The following PCDHGB7 variants were observed in gnomAD, a reference collection of about 807,000 sequenced individuals.
PCDHGB7 encodes the protein protocadherin gamma subfamily B, 7.
In PCDHGB7, 37 loss-of-function variants were observed where a neutral mutation model predicts 61.4. The observed-to-expected ratio is 0.60, with a 90% CI of 0.46 to 0.79. The LOEUF (loss-of-function observed/expected upper bound fraction) is 0.79, where lower values mean the gene tolerates loss of function less well. PCDHGB7 is among the 30% of genes least tolerant of loss of function. The pLI is 0.00. For synonymous variants in PCDHGB7, 464 were observed against 503.5 expected (o/e 0.92, Z 1.05); for missense variants, 1,166 against 1,202.5 (o/e 0.97, Z 0.45).
At chr5:141,464,480 A>T (rs1013894368) in intron 1 of PCDHGB7, among the ~76,000 whole-genome samples, 4 of 151,864 alleles carry the variant, frequency 2.6e-5, no homozygotes, top group African/African-American at 7.3e-5. Flanking sequence ...CGTATAATAA[A>T]TTCCTAATAG....
intron 1 of PCDHGB7, chr5:141,421,396 C>T: frequency 2.5e-6 from 4 of 1,614,036 alleles, no homozygotes; most frequent in South Asian, 1.1e-5. Context: ...GGGGCTGGAG[C>T]CCCGGGAGCT....
intron 1 of PCDHGB7, among the ~76,000 whole-genome samples, chr5:141,452,575 T>A (rs1386847800): frequency 6.6e-6 from 1 of 152,192 alleles, no homozygotes; most frequent in Non-Finnish European, 1.5e-5. Flanking sequence ...CCTTCCCCCT[T>A]TCCATCTTTG....
Position 141,490,350 on chromosome 5 carries a change from G to T in PCDHGB7, c.2416-4457G>T. On this transcript the variant is annotated intron_variant, in intron 1 of 3. Transcript: ENST00000398594. This position sits in a 1 kb window ranked among gnomAD's most constrained non-coding sequence, Gnocchi z 5.4. Reference sequence around the variant, plus strand: ...GCACACCAGTGGGCACAGTAGTGGGGTTGTTTAATGTGCGAGACCGGGACT... The same window carrying T: ...GCACACCAGTGGGCACAGTAGTGGGTTTGTTTAATGTGCGAGACCGGGACT... 2 of 1,614,204 alleles carry T rather than the reference G, an allele frequency of 1.2e-6. No homozygotes were observed. The highest frequency in any genetic ancestry group is 1.7e-6 in the Non-Finnish European group (2 of 1,180,034).
intron 1 of PCDHGB7, chr5:141,478,401 T>G: frequency 6.2e-7 from 1 of 1,613,480 alleles, no homozygotes; most frequent in South Asian, 1.1e-5. Context: ...CAGGTGTATC[T>G]CACCACGGAC....
chr5:141,442,898 TCTC>T (rs1427810429), intron 1 of PCDHGB7, among the ~76,000 whole-genome samples: 14 of 152,222 alleles, frequency 9.2e-5, no homozygotes, highest in Admixed American at 9.2e-4. Context: ...GCTTATCACT[TCTC>T]CTTCAGCACA....
At chr5:141,441,005 C>T (rs772059231) in intron 1 of PCDHGB7, 1 of 152,116 alleles carries the variant, frequency 6.6e-6, no homozygotes, top group Non-Finnish European at 1.5e-5. Context: ...CTAGTTTGGC[C>T]TTGATCAAAT....
chr5:141,459,302 A>G (rs1401348885), intron 1 of PCDHGB7, among the ~76,000 whole-genome samples: 1 of 152,328 alleles, frequency 6.6e-6, no homozygotes, highest in Admixed American at 6.5e-5. Context: ...CCTATAACAT[A>G]TACTATTTTG....
chr5:141,430,619 A>G lies in PCDHGB7; in HGVS notation c.2415+10345A>G, dbSNP rs192473783. ...CGCCTGAAGCACAAAGCAGATAGCT[A>G]GGAATGAACCATCCCTGGGAGTATG... On this transcript the variant is annotated intron_variant, in intron 1 of 3. Coordinates refer to ENST00000398594, the MANE Select transcript of PCDHGB7 (RefSeq NM_018927.4). 9.4e-5 allele frequency: 68 copies of G among 720,190 alleles called. 1 individual carries two copies. The African/African-American group carries it at 1.1e-3, about 12-fold the overall frequency. 44.6% of individuals were successfully genotyped at this position (720,190 alleles called of 1,614,324 possible). A position where few individuals can be genotyped will look rare whatever the true frequency, so the allele number is the denominator to read the frequency against.
chr5:141,430,458 A>G, intron 1 of PCDHGB7: 1 of 204,230 alleles, frequency 4.9e-6, no homozygotes, highest in Non-Finnish European at 9.7e-6. Context: ...GAAGAACAGT[A>G]GGTGGAGCTA....
intron 2 of PCDHGB7, among the ~76,000 whole-genome samples, chr5:141,504,782 G>A (rs2099841011): frequency 6.6e-6 from 1 of 151,926 alleles, no homozygotes; most frequent in Non-Finnish European, 1.5e-5. Context: ...AGGGTCTCTT[G>A]GGGCCTCCTA....
Position 141,491,842 on chromosome 5 carries a change from T to C in PCDHGB7, c.2416-2965T>C, listed in dbSNP as rs551615550. The C allele has an allele frequency of 7.5e-6, 11 of 1,464,162 alleles. No homozygotes were observed. In the South Asian group the frequency reaches 1.3e-4, roughly 17 times the overall value. 90.7% of individuals were successfully genotyped at this position (1,464,162 alleles called of 1,614,324 possible). ...GCGCTCCACCCGATTCTCGGGATCA[T>C]TGGACCGTTTGCGCGAAACCAGAGT... On this transcript the variant is annotated intron_variant, in intron 1 of 3. Transcript: ENST00000398594. The surrounding 1 kb of genome is among the most constrained non-coding windows in gnomAD (Gnocchi z 6.9).
chr5:141,505,679 G>A (rs1350871637), intron 3 of PCDHGB7, among the ~76,000 whole-genome samples, 198 bp downstream of exon 3: 24 of 152,172 alleles, frequency 1.6e-4, no homozygotes, highest in Non-Finnish European at 3.5e-4. Flanking sequence ...TGGGGGTCCT[G>A]GGATGCCTGG....
rs767108870 is a variant in PCDHGB7 at position 141,485,169 on chromosome 5, C to T, written c.2416-9638C>T. On this transcript the variant is annotated intron_variant, in intron 1 of 3. Transcript: ENST00000398594. This position sits in a 1 kb window ranked among gnomAD's most constrained non-coding sequence, Gnocchi z 5.7. ...GAGCAAGTAGAGAATTAGCGGGCGG[C>T]AGCAATGCTCCGCAAGGTGAGAAGC... The T allele has an allele frequency of 6.2e-7, 1 of 1,608,524 alleles. No homozygotes were observed. Among genetic ancestry groups the T allele is most frequent in the South Asian group, 1.1e-5 (1 of 90,730 alleles).
intron 2 of PCDHGB7, among the ~76,000 whole-genome samples, chr5:141,503,432 TA>T (rs1423418926): frequency 6.6e-6 from 1 of 151,668 alleles, no homozygotes; most frequent in African/African-American, 2.4e-5. Flanking sequence ...CCATCTCTAC[TA>T]AAAATACAAA....
rs768132114 is a variant in PCDHGB7 at position 141,489,845 on chromosome 5, G to A, written c.2416-4962G>A. 5 of 1,614,188 alleles carry A rather than the reference G, an allele frequency of 3.1e-6. No homozygotes were observed. The highest frequency in any genetic ancestry group is 2.2e-5 in the South Asian group (2 of 91,088). On this transcript the variant is annotated intron_variant, in intron 1 of 3. Transcript: ENST00000398594. This position sits in a 1 kb window ranked among gnomAD's most constrained non-coding sequence, Gnocchi z 4.5. ...CTGGTGCTAGAGCAGCAGCTGGATC[G>A]TGAAGCCCAGGCAAGACATCAGCTG...
At chr5:141,421,889 C>T (rs1280668349) in intron 1 of PCDHGB7, 5 of 1,613,574 alleles carry the variant, frequency 3.1e-6, no homozygotes, top group African/African-American at 1.3e-5. Flanking sequence ...GGAGGCGATC[C>T]CATCCGAAAG....
chr5:141,444,184 T>TG, intron 1 of PCDHGB7, among the ~76,000 whole-genome samples: 1 of 138,886 alleles, frequency 7.2e-6, no homozygotes, highest in South Asian at 2.4e-4. Flanking sequence ...TTTTTTTTTT[T>TG]TTTTGAGATG....
chr5:141,511,351 C>T lies in PCDHGB7; in HGVS notation c.*178C>T. The T allele has an allele frequency of 3.6e-6, 5 of 1,386,550 alleles. No individual in the cohort carries two copies. Among genetic ancestry groups the T allele is most frequent in the South Asian group, 1.5e-5 (1 of 67,154 alleles). The allele number at this position is 1,386,550 out of a possible 1,614,324, so 85.9% of individuals were successfully genotyped here. On this transcript the variant is annotated 3_prime_UTR_variant, in exon 4 of 4. Transcript: ENST00000398594. ...CCAGTCAGCACCTACCCCTTCCCCC[C>T]CAGGGGGTTGAATATGCAAAAGCAG...
intron 1 of PCDHGB7, among the ~76,000 whole-genome samples, chr5:141,482,866 G>A (rs768388750): frequency 2.7e-5 from 4 of 150,296 alleles, no homozygotes; most frequent in Non-Finnish European, 4.4e-5. Flanking sequence ...GAGGTCAGGA[G>A]TTTGAAACCA....
Sources: allele counts gnomAD v4.1 joint callset (sites outside exome capture counted in the v4.1 genomes callset), GRCh38; gene constraint gnomAD v4.1.1; non-coding constraint Gnocchi (gnomAD v3.1); transcripts MANE v1.5; gene names NCBI Gene and HGNC (gene_info 2026-07-23, HGNC 2026-07-21).